The following CSMD1 variants were observed in gnomAD, a reference collection of about 807,000 sequenced individuals.
CSMD1 encodes the protein CUB and sushi domain-containing protein 1.
CSMD1 carries 213 observed loss-of-function variants against 417.5 expected under a neutral mutation model. That is an observed-to-expected ratio of 0.51 (90% confidence interval 0.46 to 0.57). The LOEUF is 0.57. CSMD1 is among the 20% of genes least tolerant of loss of function. The pLI, the probability that CSMD1 is intolerant of heterozygous loss-of-function variation, is 0.00. For missense variants in CSMD1, 6,923 were observed against 4,529.7 expected (o/e 1.53, Z -15.17); for synonymous variants, 2,862 against 1,736.8 (o/e 1.65, Z -16.11).
At chr8:3,117,823 T>A (rs763327549) in intron 42 of CSMD1, among the ~76,000 whole-genome samples, 27 of 152,156 alleles carry the variant, frequency 1.8e-4, no homozygotes, top group Non-Finnish European at 5.9e-5. Context: ...ACTCTACTAT[T>A]TTCTCCTATG....
chr8:3,165,471 G>A (rs943775314), intron 37 of CSMD1, among the ~76,000 whole-genome samples: 21 of 151,110 alleles, frequency 1.4e-4, no homozygotes, highest in African/African-American at 4.9e-4. Flanking sequence ...TCACTCTGTC[G>A]CCCAGGCTGG....
intron 6 of CSMD1, among the ~76,000 whole-genome samples, chr8:3,727,926 C>A (rs988125377): frequency 1.3e-5 from 2 of 152,016 alleles, no homozygotes; most frequent in Admixed American, 6.6e-5. Flanking sequence ...ATTCAAAGAG[C>A]GGCAGGGAGG....
At chr8:3,551,388 AG>A (rs1348259517) in intron 10 of CSMD1, among the ~76,000 whole-genome samples, 1 of 152,104 alleles carries the variant, frequency 6.6e-6, no homozygotes, top group African/African-American at 2.4e-5. Flanking sequence ...GAGTAGATGC[AG>A]GGGGTAAATG....
intron 20 of CSMD1, among the ~76,000 whole-genome samples, chr8:3,366,676 ACCCAGAGGATGCCT>A (rs1809587036): frequency 6.6e-6 from 1 of 152,166 alleles, no homozygotes; most frequent in Non-Finnish European, 1.5e-5. Flanking sequence ...GTGACAACAG[ACCCAGAGGATGCCT>A]CCCAATAAAG....
At chr8:4,430,716 G>C (rs895858612) in intron 2 of CSMD1, among the ~76,000 whole-genome samples, 5 of 152,000 alleles carry the variant, frequency 3.3e-5, no homozygotes, top group Non-Finnish European at 7.4e-5. Flanking sequence ...AATCTAAAGA[G>C]ATTTTGCCCC....
At chr8:4,447,983 G>C (rs773415774) in intron 2 of CSMD1, among the ~76,000 whole-genome samples, 1 of 152,128 alleles carries the variant, frequency 6.6e-6, no homozygotes, top group Non-Finnish European at 1.5e-5. Flanking sequence ...AAAGCCTCTT[G>C]GAAATTTTTG....
At chr8:3,021,139 A>G (rs1437067706) in intron 51 of CSMD1, among the ~76,000 whole-genome samples, 1 of 152,166 alleles carries the variant, frequency 6.6e-6, no homozygotes, top group Non-Finnish European at 1.5e-5. Context: ...TTCGCCTTCA[A>G]TGGTAGAGAA....
At chr8:3,697,103 C>G (rs1015834127) in intron 7 of CSMD1, among the ~76,000 whole-genome samples, 2 of 152,116 alleles carry the variant, frequency 1.3e-5, no homozygotes, top group African/African-American at 4.8e-5. Flanking sequence ...CCCAATATTG[C>G]TAGGTCATCA....
intron 1 of CSMD1, among the ~76,000 whole-genome samples, chr8:4,727,464 A>G (rs113866585): frequency 2.4e-3 from 370 of 152,310 alleles, no homozygotes; most frequent in African/African-American, 8.7e-3. Flanking sequence ...AAGACTGGGG[A>G]AAACAATAAA....
intron 1 of CSMD1, among the ~76,000 whole-genome samples, chr8:4,894,476 C>A (rs1466417620): frequency 6.6e-6 from 1 of 151,052 alleles, no homozygotes. Context: ...TCACTTGAAC[C>A]CGGGAGGCAG....
chr8:4,811,418 A>G (rs1251423218), intron 1 of CSMD1, among the ~76,000 whole-genome samples: 4 of 152,142 alleles, frequency 2.6e-5, no homozygotes, highest in Admixed American at 6.5e-5. Context: ...ATGTTGAATC[A>G]TATAAAATTG....
At chr8:4,339,668 T>G (rs1303613255) in intron 3 of CSMD1, among the ~76,000 whole-genome samples, 1 of 152,042 alleles carries the variant, frequency 6.6e-6, no homozygotes, top group Admixed American at 6.6e-5. Flanking sequence ...TATGTTATGT[T>G]TGGATGGCCA....
intron 6 of CSMD1, among the ~76,000 whole-genome samples, chr8:3,744,905 G>C (rs970185317): frequency 1.3e-5 from 2 of 152,188 alleles, no homozygotes; most frequent in Non-Finnish European, 2.9e-5. Flanking sequence ...GAGCGCTTTA[G>C]TTGAGTGGGC....
At chr8:3,909,593 T>C (rs1212134952) in intron 5 of CSMD1, among the ~76,000 whole-genome samples, 1 of 152,000 alleles carries the variant, frequency 6.6e-6, no homozygotes, top group Non-Finnish European at 1.5e-5. Context: ...AGGGAAAACT[T>C]CTAATAAGGC....
chr8:4,006,915 C>A (rs1244095963), intron 4 of CSMD1, among the ~76,000 whole-genome samples: 2 of 150,154 alleles, frequency 1.3e-5, no homozygotes, highest in Non-Finnish European at 3.0e-5. Context: ...GCAAGCTCCG[C>A]CTCCTGGGTT....
intron 1 of CSMD1, among the ~76,000 whole-genome samples, chr8:4,823,825 A>C (rs1799656350): frequency 6.6e-6 from 1 of 151,986 alleles, no homozygotes. Flanking sequence ...AAGAAAGCTC[A>C]CAGAGGTTGA....
intron 54 of CSMD1, among the ~76,000 whole-genome samples, chr8:2,990,503 G>A (rs972440045): frequency 3.3e-5 from 5 of 151,958 alleles, no homozygotes; most frequent in East Asian, 1.9e-4. Flanking sequence ...CTCTCTCTAC[G>A]AACCCATTAT....
At chr8:3,488,137 C>G (rs142133509) in intron 11 of CSMD1, among the ~76,000 whole-genome samples, 40 of 146,132 alleles carry the variant, frequency 2.7e-4, no homozygotes, top group African/African-American at 1.0e-3. Context: ...GTGTCTTGCT[C>G]TGTTGCTCAG....
At chr8:4,514,510 G>C (rs1234965174) in intron 2 of CSMD1, among the ~76,000 whole-genome samples, 1 of 152,090 alleles carries the variant, frequency 6.6e-6, no homozygotes, top group Non-Finnish European at 1.5e-5. Flanking sequence ...TCAACGAAGA[G>C]GGAACATCGT....
Sources: gnomAD v4.1 joint callset for allele counts (sites outside exome capture counted in the v4.1 genomes callset) on GRCh38, gnomAD v4.1.1 for gene constraint, MANE v1.5 for transcripts, NCBI Gene and HGNC (gene_info 2026-07-23, HGNC 2026-07-21) for gene names.